PALS2: variants seen among roughly 807,000 people sequenced by gnomAD.
PALS2 encodes protein associated with LIN7 2, MAGUK p55 family member, also known as protein PALS2.
Under a neutral mutation model 61.6 loss-of-function variants are expected in PALS2, and 27 were observed. That is an observed-to-expected ratio of 0.44 (90% CI 0.32 to 0.60). The LOEUF is 0.60. Ranked by LOEUF, PALS2 falls within the 20% of genes least tolerant of loss-of-function variation. The pLI, the probability that PALS2 is intolerant of heterozygous loss-of-function variation, is 0.05. For missense variants in PALS2, 554 were observed against 639.4 expected (o/e 0.87, Z 1.44); for synonymous variants, 236 against 218.6 (o/e 1.08, Z -0.70).
At chr7:24,650,277 C>CCT (rs1221495856) in intron 4 of PALS2, among the ~76,000 whole-genome samples, 1 of 152,056 alleles carries the variant, frequency 6.6e-6, no homozygotes, top group Non-Finnish European at 1.5e-5. Context: ...TTCCATTTAG[C>CCT]CTGTAAGATA....
chr7:24,583,979 A>G (rs1273675933), intron 1 of PALS2, among the ~76,000 whole-genome samples: 58 of 151,040 alleles, frequency 3.8e-4, no homozygotes, highest in Non-Finnish European at 7.7e-4. Flanking sequence ...TGTCCCTACA[A>G]AGGACATGAA....
At chr7:24,613,022 A>G (rs949673373) in intron 1 of PALS2, among the ~76,000 whole-genome samples, 3 of 151,780 alleles carry the variant, frequency 2.0e-5, no homozygotes, top group Non-Finnish European at 4.4e-5. Context: ...TTTGAATTCT[A>G]TCTGATATAT....
intron 3 of PALS2, among the ~76,000 whole-genome samples, 192 bp from the exon 4 acceptor site, chr7:24,649,420 A>G (rs913902423): frequency 6.6e-6 from 1 of 152,158 alleles, no homozygotes; most frequent in African/African-American, 2.4e-5. Flanking sequence ...GTTTGATGAT[A>G]ATAAAACTAT....
intron 1 of PALS2, among the ~76,000 whole-genome samples, chr7:24,593,869 C>T (rs374148028): frequency 1.3e-5 from 2 of 152,078 alleles, no homozygotes; most frequent in African/African-American, 4.8e-5. Context: ...GGATTGGCTT[C>T]AGCTTAAAAG....
At chr7:24,636,154 G>T (rs1785225590) in intron 2 of PALS2, among the ~76,000 whole-genome samples, 1 of 149,842 alleles carries the variant, frequency 6.7e-6, no homozygotes, top group South Asian at 2.1e-4. Context: ...GGAGGTTGCA[G>T]TGAGCCGAGA....
At chr7:24,631,136 T>G (rs1389250814) in intron 2 of PALS2, among the ~76,000 whole-genome samples, 1 of 152,256 alleles carries the variant, frequency 6.6e-6, no homozygotes, top group East Asian at 1.9e-4. Context: ...CCAGAAAGGG[T>G]TTACTATTCT....
At chr7:24,597,372 C>G (rs576763424) in intron 1 of PALS2, among the ~76,000 whole-genome samples, 4 of 152,222 alleles carry the variant, frequency 2.6e-5, no homozygotes, top group Non-Finnish European at 4.4e-5. Flanking sequence ...CATTCCTGAT[C>G]TTTTCCAAGA....
intron 5 of PALS2, among the ~76,000 whole-genome samples, chr7:24,657,198 C>T (rs1786464810): frequency 1.3e-5 from 2 of 152,172 alleles, no homozygotes; most frequent in African/African-American, 4.8e-5. Context: ...CTGCTATGGA[C>T]ATTTACATGT....
At chr7:24,679,093 A>T (rs755496668) in intron 9 of PALS2, 38 bp from the exon 10 acceptor site, 2 of 1,591,136 alleles carry the variant, frequency 1.3e-6, no homozygotes, top group African/African-American at 2.7e-5. Flanking sequence ...ATGCCCTAAA[A>T]TTTCTTTGTA....
chr7:24,685,028 G>A (rs1467891842), intron 11 of PALS2, among the ~76,000 whole-genome samples: 2 of 151,804 alleles, frequency 1.3e-5, no homozygotes, highest in Middle Eastern at 3.4e-3. Context: ...GTGTGCCGTG[G>A]TGGTTTGCCG....
chr7:24,583,141 T>A (rs576715603), intron 1 of PALS2, among the ~76,000 whole-genome samples: 2 of 152,078 alleles, frequency 1.3e-5, no homozygotes, highest in Non-Finnish European at 2.9e-5. Flanking sequence ...TCTGCCTGCC[T>A]TGGCCTCCCA....
chr7:24,580,388 A>G (rs552574905), intron 1 of PALS2, among the ~76,000 whole-genome samples: 5 of 152,290 alleles, frequency 3.3e-5, no homozygotes, highest in African/African-American at 1.2e-4. Flanking sequence ...ATCCTGTGGA[A>G]TATTCCATTT....
intron 1 of PALS2, among the ~76,000 whole-genome samples, chr7:24,581,653 A>G (rs1313593894): frequency 6.6e-6 from 1 of 152,190 alleles, no homozygotes. Flanking sequence ...TGTATAAGGT[A>G]TAGGTCAGGG....
chr7:24,577,565 AC>A (rs1443030580), intron 1 of PALS2, among the ~76,000 whole-genome samples: 2 of 151,552 alleles, frequency 1.3e-5, no homozygotes, highest in African/African-American at 2.4e-5. Flanking sequence ...TCATTTCTTT[AC>A]CCTCTTCCTC....
chr7:24,675,936 T>C (rs1475093974), intron 9 of PALS2, among the ~76,000 whole-genome samples: 2 of 148,980 alleles, frequency 1.3e-5, no homozygotes, highest in Non-Finnish European at 2.9e-5. Flanking sequence ...CAAATGGTAT[T>C]TCTAGTTCTA....
At chr7:24,650,109 T>C (rs1424912555) in intron 4 of PALS2, among the ~76,000 whole-genome samples, 1 of 152,158 alleles carries the variant, frequency 6.6e-6, no homozygotes, top group Non-Finnish European at 1.5e-5. Context: ...TTATTAAAAA[T>C]TGAAGCCATA....
intron 8 of PALS2, among the ~76,000 whole-genome samples, chr7:24,668,215 C>T (rs931702601): frequency 2.6e-5 from 4 of 151,950 alleles, no homozygotes; most frequent in Admixed American, 6.6e-5. Context: ...TTCATTTACT[C>T]GGGAGGCTTC....
chr7:24,634,440 C>T (rs1318874704), intron 2 of PALS2, among the ~76,000 whole-genome samples: 2 of 152,140 alleles, frequency 1.3e-5, no homozygotes, highest in Non-Finnish European at 2.9e-5. Flanking sequence ...CCGTGTTAGC[C>T]AGTATGGTCT....
chr7:24,637,148 A>G (rs948242875), intron 2 of PALS2, among the ~76,000 whole-genome samples: 3 of 152,090 alleles, frequency 2.0e-5, no homozygotes, highest in African/African-American at 7.2e-5. Context: ...ATCTAAGAGA[A>G]GCTCAGCAGT....
Sources: allele counts gnomAD v4.1 joint callset (sites outside exome capture counted in the v4.1 genomes callset), GRCh38; gene constraint gnomAD v4.1.1; transcripts MANE v1.5; gene names NCBI Gene and HGNC (gene_info 2026-07-23, HGNC 2026-07-21).